The following HECW2 variants were observed in gnomAD, a reference collection of about 807,000 sequenced individuals.
The protein encoded by HECW2 is HECT, C2 and WW domain containing E3 ubiquitin protein ligase 2.
HECW2 carries 61 observed loss-of-function variants against 175.2 expected under a neutral mutation model. The ratio of observed to expected loss-of-function variants is 0.35; its 90% CI spans 0.28 to 0.43. HECW2 has a LOEUF of 0.43. Among genes scored for constraint, HECW2 ranks in the 20% least tolerant of loss-of-function variants. HECW2 has a pLI of 1.00. For synonymous variants in HECW2, 671 were observed against 731.0 expected, an observed-to-expected ratio of 0.92 and a Z score of 1.32; for missense variants, 1,524 against 2,000.5, an observed-to-expected ratio of 0.76 and a Z score of 4.54.
intron 1 of HECW2, among the ~76,000 whole-genome samples, chr2:196,470,108 T>G (rs1697134634): frequency 6.6e-6 from 1 of 152,028 alleles, no homozygotes; most frequent in Non-Finnish European, 1.5e-5. Context: ...AAATAAAAAT[T>G]TATATTCTGT....
chr2:196,513,041 C>CA (rs1688010929), intron 1 of HECW2, among the ~76,000 whole-genome samples: 1 of 151,950 alleles, frequency 6.6e-6, no homozygotes, highest in Non-Finnish European at 1.5e-5. Flanking sequence ...ACCAAGAAAA[C>CA]AAAAAACTAT....
intron 1 of HECW2, among the ~76,000 whole-genome samples, chr2:196,458,496 C>T (rs13419792): frequency 4.5e-4 from 69 of 151,742 alleles, no homozygotes; most frequent in African/African-American, 1.6e-3. Flanking sequence ...TATGTGACTT[C>T]GCATTACTAG....
At chr2:196,414,559 G>A (rs1254247258) in intron 2 of HECW2, among the ~76,000 whole-genome samples, 1 of 152,164 alleles carries the variant, frequency 6.6e-6, no homozygotes, top group Non-Finnish European at 1.5e-5. Context: ...CTAGAGAGAG[G>A]ACCCATTTCT....
At chr2:196,590,311 T>G (rs1575705556) in intron 1 of HECW2, among the ~76,000 whole-genome samples, 1 of 152,346 alleles carries the variant, frequency 6.6e-6, no homozygotes, top group Non-Finnish European at 1.5e-5. Context: ...AGGCATCCTG[T>G]GTGTAATGAA....
chr2:196,523,927 C>G (rs998392394), intron 1 of HECW2, among the ~76,000 whole-genome samples: 1 of 152,182 alleles, frequency 6.6e-6, no homozygotes, highest in Admixed American at 6.5e-5. Flanking sequence ...GGATATTGGT[C>G]TAAAATTGTC....
Position 196,517,695 on chromosome 2 carries a change from T to A in HECW2, c.-36+75813A>T, listed in dbSNP as rs117039732. Among the ~76,000 whole-genome samples the A allele has an allele frequency of 1.2e-3, 184 of 152,312 alleles. 4 individuals carry two copies. The East Asian group carries it at 0.029, about 24-fold the overall frequency. Reference sequence around the variant, plus strand: ...AGTTACCTTTTAAAATAAGTTTTCTTAAATAAAAAGTGAGTAAATAGAACA... The same window carrying A: ...AGTTACCTTTTAAAATAAGTTTTCTAAAATAAAAAGTGAGTAAATAGAACA... On this transcript the variant is annotated intron_variant, in intron 1 of 28. Transcript: ENST00000644978.
In HECW2 at chr2:196,278,597, G is replaced by T. The variant is rs767761541; in HGVS notation, c.3066C>A (p.Ser1022Arg). ...GAACCAGCGCACTTGTGGGTCTACT[G>T]CTCTGAAGTGGGAGCCGGGGATCAA... is the stretch of plus-strand genomic sequence containing the variant. ...TFIDPRLPLQ[S>R]SRPTSALVHR... Residue 1022 changes from serine (S) to arginine (R), a missense_variant, in exon 15 of 29, where the codon AGC becomes AGA. Physicochemically the swap from Ser to Arg is moderately radical, Grantham distance 110 (BLOSUM62 -1). Coordinates refer to ENST00000644978, the MANE Select transcript of HECW2 (RefSeq NM_001348768.2). 1 of 1,614,064 alleles carries T rather than the reference G, an allele frequency of 6.2e-7. No individual in the cohort carries two copies. The highest frequency in any genetic ancestry group is 8.5e-7 in the Non-Finnish European group (1 of 1,179,998).
intron 2 of HECW2, among the ~76,000 whole-genome samples, chr2:196,373,061 A>C (rs1693951356): frequency 6.6e-6 from 1 of 152,240 alleles, no homozygotes; most frequent in South Asian, 2.1e-4. Context: ...GTAAAAGCTC[A>C]GATATGAGTG....
chr2:196,474,451 T>C (rs1259197979), intron 1 of HECW2, among the ~76,000 whole-genome samples: 1 of 152,188 alleles, frequency 6.6e-6, no homozygotes. Context: ...TTTATTAGGA[T>C]AGTGTGCATT....
intron 1 of HECW2, among the ~76,000 whole-genome samples, chr2:196,456,408 G>A (rs1188878553): frequency 2.0e-5 from 3 of 150,626 alleles, no homozygotes; most frequent in East Asian, 3.9e-4. Context: ...TCCCAGCAAG[G>A]AAAGTATTGC....
intron 2 of HECW2, among the ~76,000 whole-genome samples, chr2:196,396,828 A>AAAAAC (rs148015627): frequency 6.6e-6 from 1 of 150,772 alleles, no homozygotes. Context: ...TAAAAAAAAA[A>AAAAAC]TGGCCGGGTG....
intron 1 of HECW2, among the ~76,000 whole-genome samples, chr2:196,576,793 A>G (rs1690576959): frequency 6.6e-6 from 1 of 152,356 alleles, no homozygotes; most frequent in African/African-American, 2.4e-5. Flanking sequence ...TACACATATC[A>G]AAACACCAAA....
chr2:196,392,164 C>T (rs1412654919), intron 2 of HECW2, among the ~76,000 whole-genome samples: 1 of 152,144 alleles, frequency 6.6e-6, no homozygotes, highest in Non-Finnish European at 1.5e-5. Context: ...GATTCAATCC[C>T]TTTATCTGTA....
intron 3 of HECW2, among the ~76,000 whole-genome samples, chr2:196,335,920 C>T (rs1162422659): frequency 2.6e-5 from 4 of 152,062 alleles, no homozygotes; most frequent in African/African-American, 7.3e-5. Context: ...TGCTGAGATG[C>T]CAATCACAGG....
intron 7 of HECW2, among the ~76,000 whole-genome samples, chr2:196,320,994 C>T (rs542464193): frequency 7.2e-4 from 110 of 152,322 alleles, no homozygotes; most frequent in African/African-American, 2.5e-3. Context: ...AGAATGAAAG[C>T]GCCCTTCATA....
chr2:196,589,198 C>CA (rs1691094322), intron 1 of HECW2, among the ~76,000 whole-genome samples: 1 of 151,978 alleles, frequency 6.6e-6, no homozygotes. Flanking sequence ...GACCCTGTCT[C>CA]AAAAAATAAA....
Position 196,200,907 on chromosome 2 carries a change from C to A in HECW2, c.*370G>T. On this transcript the variant is annotated 3_prime_UTR_variant, in exon 29 of 29. Coordinates refer to ENST00000644978, the MANE Select transcript of HECW2 (RefSeq NM_001348768.2). ...AATTTGGAGATTGGGCCAAATGCTG[C>A]CAGTTTGGCTTGAACCACGTTCAAG... The A allele has an allele frequency of 6.1e-6, 1 of 163,482 alleles. No individual in the cohort carries two copies. Among genetic ancestry groups the A allele is most frequent in the Non-Finnish European group, 1.3e-5 (1 of 74,282 alleles). The allele number at this position is 163,482 out of a possible 1,614,324, so 10.1% of individuals were successfully genotyped here. A position where few individuals can be genotyped will look rare whatever the true frequency, so the allele number is the denominator to read the frequency against.
intron 1 of HECW2, among the ~76,000 whole-genome samples, chr2:196,436,181 A>G (rs1039875066): frequency 2.6e-5 from 4 of 152,122 alleles, no homozygotes; most frequent in Admixed American, 2.0e-4. Flanking sequence ...CAGGCGGATC[A>G]TGAAGTCAGG....
At chr2:196,567,591 T>C (rs945844090) in intron 1 of HECW2, among the ~76,000 whole-genome samples, 1 of 152,208 alleles carries the variant, frequency 6.6e-6, no homozygotes, top group Non-Finnish European at 1.5e-5. Flanking sequence ...CTATAGAGCC[T>C]ATTGCCCTAG....
Sources: gnomAD v4.1 joint callset for allele counts (sites outside exome capture counted in the v4.1 genomes callset) on GRCh38, gnomAD v4.1.1 for gene constraint, MANE v1.5 for transcripts, NCBI Gene and HGNC (gene_info 2026-07-23, HGNC 2026-07-21) for gene names.